RFTN1: variants seen among roughly 807,000 people sequenced by gnomAD.
RFTN1 encodes raftlin, lipid raft linker 1, also known as raftlin.
In RFTN1, 26 loss-of-function variants were observed where a neutral mutation model predicts 46.5. The ratio of observed to expected loss-of-function variants is 0.56; its 90% CI spans 0.41 to 0.78. The LOEUF is 0.78. Ranked by LOEUF, RFTN1 falls within the 30% of genes least tolerant of loss-of-function variation. The pLI, the probability that RFTN1 is intolerant of heterozygous loss-of-function variation, is 0.00. For missense variants in RFTN1, 693 were observed against 718.7 expected, an observed-to-expected ratio of 0.96 and a Z score of 0.41; for synonymous variants, 261 against 284.2, an observed-to-expected ratio of 0.92 and a Z score of 0.82.
chr3:16,409,715 T>A lies in RFTN1; in HGVS notation c.333-232A>T, dbSNP rs2074943104. Among the ~76,000 whole-genome samples, 3 of 146,988 alleles carry A rather than the reference T, an allele frequency of 2.0e-5. No individual in the cohort carries two copies. In the Admixed American group the frequency reaches 2.0e-4, roughly 10 times the overall value. On this transcript the variant is annotated intron_variant, in intron 3 of 9. Coordinates refer to ENST00000334133, the MANE Select transcript of RFTN1 (RefSeq NM_015150.2). ...TTTTTTTTTTTTTGAGACGGAGTCT[T>A]GCTCTGTCGCCCAGGCTGGAGTGCA...
rs969924052 is a variant in RFTN1, at chr3:16,489,725, T to C, written c.145+4000A>G. On this transcript the variant is annotated intron_variant, in intron 2 of 9. Coordinates refer to ENST00000334133, the MANE Select transcript of RFTN1 (RefSeq NM_015150.2). The surrounding 1 kb of genome is among the most constrained non-coding windows in gnomAD (Gnocchi z 4.0). ...GAGTTCAAGACCAGCCTGGCCAACA[T>C]TGTGAAACCCCATCTCTACTAAAAA... Among the ~76,000 whole-genome samples the C allele has an allele frequency of 5.9e-5, 9 of 152,024 alleles. No individual in the cohort carries two copies. The highest frequency in any genetic ancestry group is 2.2e-4 in the African/African-American group (9 of 41,380).
chr3:16,440,025 T>C lies in RFTN1; in HGVS notation c.146-5988A>G, dbSNP rs1045366910. Among the ~76,000 whole-genome samples the C allele has an allele frequency of 6.6e-6, 1 of 152,174 alleles. No homozygotes were observed. The highest frequency in any genetic ancestry group is 2.4e-5 in the African/African-American group (1 of 41,430). On this transcript the variant is annotated intron_variant, in intron 2 of 9. Coordinates refer to ENST00000334133, the MANE Select transcript of RFTN1 (RefSeq NM_015150.2). This position sits in a 1 kb window ranked among gnomAD's most constrained non-coding sequence, Gnocchi z 4.6. Reference sequence around the variant, plus strand: ...AGGCTGAACCACATGAACCGTCTCATCATAAGTTAAAATTTCTAATTATAA... The same window carrying C: ...AGGCTGAACCACATGAACCGTCTCACCATAAGTTAAAATTTCTAATTATAA...
In RFTN1 at chr3:16,489,081, A is replaced by G. The variant is rs1317620451; in HGVS notation, c.145+4644T>C. Among the ~76,000 whole-genome samples the G allele has an allele frequency of 2.6e-5, 4 of 152,306 alleles. No individual in the cohort carries two copies. Among genetic ancestry groups the G allele is most frequent in the African/African-American group, 9.6e-5 (4 of 41,572 alleles). On this transcript the variant is annotated intron_variant, in intron 2 of 9. Coordinates refer to ENST00000334133, the MANE Select transcript of RFTN1 (RefSeq NM_015150.2). The surrounding 1 kb of genome is among the most constrained non-coding windows in gnomAD (Gnocchi z 4.0). ...GAAGAGCTAGGTTTTGAAAAAGAGT[A>G]CGTACTATTTGATTCCATTTATATA...
chr3:16,325,859 C>G (rs1018412548), intron 8 of RFTN1, among the ~76,000 whole-genome samples: 2 of 152,236 alleles, frequency 1.3e-5, no homozygotes, highest in African/African-American at 2.4e-5. Context: ...CTGTCCATCA[C>G]TCTGCAGTGG....
intron 8 of RFTN1, among the ~76,000 whole-genome samples, chr3:16,324,612 G>GTCCCC (rs1270315325): frequency 1.4e-5 from 1 of 71,066 alleles, no homozygotes; most frequent in Admixed American, 1.5e-4. Flanking sequence ...GAATGTCCCT[G>GTCCCC]ACCCCCCCCC....
chr3:16,467,732 G>A (rs10510448), intron 2 of RFTN1, among the ~76,000 whole-genome samples: 25,601 of 152,204 alleles, frequency 0.17, 2,481 homozygotes, highest in East Asian at 0.25. Context: ...TCAGGGGCAT[G>A]CAAGTGAATG....
At chr3:16,482,501 C>A (rs889226360) in intron 2 of RFTN1, among the ~76,000 whole-genome samples, 1 of 152,112 alleles carries the variant, frequency 6.6e-6, no homozygotes, top group African/African-American at 2.4e-5. Context: ...AAGCCATACC[C>A]GAGGGACCTT....
intron 4 of RFTN1, among the ~76,000 whole-genome samples, chr3:16,397,867 G>A (rs1042859547): frequency 6.6e-6 from 1 of 152,146 alleles, no homozygotes; most frequent in Non-Finnish European, 1.5e-5. Flanking sequence ...CCAGGAGAAA[G>A]TTCTCAGGTC....
At chr3:16,437,404 T>G (rs1190699354) in intron 2 of RFTN1, among the ~76,000 whole-genome samples, 1 of 152,074 alleles carries the variant, frequency 6.6e-6, no homozygotes, top group Non-Finnish European at 1.5e-5. Context: ...TTTTTAGGTT[T>G]GAAGGGCAAT....
chr3:16,507,742 T>C lies in RFTN1; in HGVS notation c.-9+5700A>G, dbSNP rs1428747607. The stretch of plus-strand genomic sequence containing the variant: ...ACATACACACAAACACATACACACA[T>C]ACATGCACACTCACATACACACAAA... On this transcript the variant is annotated intron_variant, in intron 1 of 9. Transcript: ENST00000334133. This position sits in a 1 kb window ranked among gnomAD's most constrained non-coding sequence, Gnocchi z 7.1. Among the ~76,000 whole-genome samples, 1 of 147,156 alleles carries C rather than the reference T, an allele frequency of 6.8e-6. No individual in the cohort carries two copies. Among genetic ancestry groups the C allele is most frequent in the African/African-American group, 2.5e-5 (1 of 39,358 alleles).
In RFTN1 at chr3:16,338,213, C is replaced by G. The variant is rs974918513; in HGVS notation, c.1147-11337G>C. ...TACGGGATGGAAGGGCAGGAGATGG[C>G]ATGCATCCTTATTATCAGGGGTGTC... On this transcript the variant is annotated intron_variant, in intron 7 of 9. Transcript: ENST00000334133. The surrounding 1 kb of genome is among the most constrained non-coding windows in gnomAD (Gnocchi z 5.3). 1.9e-4 allele frequency among the ~76,000 whole-genome samples: 29 copies of G among 152,348 alleles called. No homozygotes were observed. Among genetic ancestry groups the G allele is most frequent in the African/African-American group, 5.5e-4 (23 of 41,578 alleles).
intron 8 of RFTN1, 145 bp from the exon 9 acceptor site, chr3:16,323,602 C>T (rs927303554): frequency 9.8e-5 from 56 of 573,260 alleles, no homozygotes; most frequent in East Asian, 7.1e-4. Context: ...TCTACTCTTC[C>T]GCTCCCAGGC....
chr3:16,492,779 G>T (rs1693562363), intron 2 of RFTN1, among the ~76,000 whole-genome samples: 1 of 152,082 alleles, frequency 6.6e-6, no homozygotes, highest in Non-Finnish European at 1.5e-5. Flanking sequence ...CTTTTCATTT[G>T]TATGGGTCTC....
Position 16,370,661 on chromosome 3 carries a change from C to T in RFTN1, c.827-382G>A, listed in dbSNP as rs2073458584. On this transcript the variant is annotated intron_variant, in intron 5 of 9. Coordinates refer to ENST00000334133, the MANE Select transcript of RFTN1 (RefSeq NM_015150.2). The surrounding 1 kb of genome is among the most constrained non-coding windows in gnomAD (Gnocchi z 5.5). ...GCAGACATACTTGGGTGAGAATGGTCTTTGGAAAACTAAATGTACAGAGAC... is the reference window on the plus strand; with the variant it reads ...GCAGACATACTTGGGTGAGAATGGTTTTTGGAAAACTAAATGTACAGAGAC... Among the ~76,000 whole-genome samples, 1 of 152,158 alleles carries T rather than the reference C, an allele frequency of 6.6e-6. No individual in the cohort carries two copies. Among genetic ancestry groups the T allele is most frequent in the Non-Finnish European group, 1.5e-5 (1 of 68,032 alleles).
intron 1 of RFTN1, among the ~76,000 whole-genome samples, chr3:16,496,960 G>A (rs1294487143): frequency 1.3e-5 from 2 of 152,168 alleles, no homozygotes; most frequent in African/African-American, 4.8e-5. Context: ...GAGTGGGGGT[G>A]GGGGCAGCCA....
Position 16,449,944 on chromosome 3 carries a change from A to C in RFTN1, c.146-15907T>G, listed in dbSNP as rs2075796378. 1.3e-5 allele frequency among the ~76,000 whole-genome samples: 2 copies of C among 152,198 alleles called. No individual in the cohort carries two copies. The highest frequency in any genetic ancestry group is 6.5e-5 in the Admixed American group (1 of 15,280). The stretch of plus-strand genomic sequence containing the variant: ...CCATCTCTAGAAGTGACCAGGAAGC[A>C]GCAGGAGGAGGGCTGCAGGAGGCCC... On this transcript the variant is annotated intron_variant, in intron 2 of 9. Coordinates refer to ENST00000334133, the MANE Select transcript of RFTN1 (RefSeq NM_015150.2). This position sits in a 1 kb window ranked among gnomAD's most constrained non-coding sequence, Gnocchi z 5.1.
In RFTN1 at chr3:16,481,099, C is replaced by T. The variant is rs141095271; in HGVS notation, c.145+12626G>A. On this transcript the variant is annotated intron_variant, in intron 2 of 9. Transcript: ENST00000334133. This position sits in a 1 kb window ranked among gnomAD's most constrained non-coding sequence, Gnocchi z 5.1. ...TCTGGATTTAGAGTAGCTGGGAAAA[C>T]AGCATGAAGAGTTTTTACATTCAGA... 2.0e-3 allele frequency among the ~76,000 whole-genome samples: 303 copies of T among 152,008 alleles called. No homozygotes were observed. The highest frequency in any genetic ancestry group is 7.0e-3 in the African/African-American group (289 of 41,430).
At position 16,351,251 on chromosome 3, in the gene RFTN1, C is replaced by G. The variant is rs886147269; in HGVS notation, c.1146+6681G>C. 1.3e-5 allele frequency among the ~76,000 whole-genome samples: 2 copies of G among 152,156 alleles called. No homozygotes were observed. Among genetic ancestry groups the G allele is most frequent in the Non-Finnish European group, 2.9e-5 (2 of 68,038 alleles). On this transcript the variant is annotated intron_variant, in intron 7 of 9. Coordinates refer to ENST00000334133, the MANE Select transcript of RFTN1 (RefSeq NM_015150.2). This position sits in a 1 kb window ranked among gnomAD's most constrained non-coding sequence, Gnocchi z 5.4. ...CACTGGTGGAGAGATTCCTGCAGCG[C>G]GCCAAGGACTGTGTCCTTGATCCAG...
intron 3 of RFTN1, among the ~76,000 whole-genome samples, chr3:16,423,131 G>A (rs1366006008): frequency 4.0e-5 from 6 of 151,454 alleles, no homozygotes; most frequent in Non-Finnish European, 2.9e-5. Flanking sequence ...TCACGCCACT[G>A]CACTCCAGCC....
Sources: gnomAD v4.1 joint callset for allele counts (sites outside exome capture counted in the v4.1 genomes callset) on GRCh38, gnomAD v4.1.1 for gene constraint, Gnocchi (gnomAD v3.1) non-coding constraint, MANE v1.5 for transcripts, NCBI Gene and HGNC (gene_info 2026-07-23, HGNC 2026-07-21) for gene names.